The following PADI1 variants were observed in gnomAD, a reference collection of about 807,000 sequenced individuals.
PADI1 encodes the protein peptidyl arginine deiminase 1.
Under a neutral mutation model 74.8 loss-of-function variants are expected in PADI1, and 65 were observed. The observed-to-expected ratio is 0.87, with a 90% confidence interval of 0.71 to 1.07. The LOEUF is 1.07. PADI1 is among the 50% of genes least tolerant of loss of function. PADI1 has a pLI of 0.00. For missense variants in PADI1, 943 were observed against 854.0 expected (o/e 1.10, Z -1.30); for synonymous variants, 371 against 336.2 (o/e 1.10, Z -1.13).
intron 15 of PADI1, among the ~76,000 whole-genome samples, chr1:17,242,980 C>T (rs1203147268): frequency 6.6e-6 from 1 of 152,180 alleles, no homozygotes; most frequent in Non-Finnish European, 1.5e-5. Context: ...TCACGGGACC[C>T]TCCAGCTTTA....
chr1:17,222,413 T>C lies in PADI1; in HGVS notation c.216T>C (p.Thr72=). The C allele has an allele frequency of 1.2e-6, 2 of 1,614,070 alleles. No homozygotes were observed. The highest frequency in any genetic ancestry group is 1.7e-6 in the Non-Finnish European group (2 of 1,179,928). ...PIGKARWPLD[T]DADMVVSVGT... ...GCAAGGCCCGTTGGCCGCTAGACAC[T>C]GATGCAGACATGGTCGTATCTGTGG... Residue 72 remains threonine (T), a synonymous_variant, in exon 2 of 16, where the codon ACT becomes ACC. Transcript: ENST00000375471.
rs2072843600 is a variant in PADI1, at chr1:17,244,457, TCCCTGG to T, written c.*217_*222del. The T allele has an allele frequency of 1.5e-6, 1 of 656,288 alleles. No individual in the cohort carries two copies. The highest frequency in any genetic ancestry group is 2.8e-6 in the Non-Finnish European group (1 of 355,706). The allele number at this position is 656,288 out of a possible 1,614,324, so 40.7% of individuals were successfully genotyped here. A position where few individuals can be genotyped will look rare whatever the true frequency, so the allele number is the denominator to read the frequency against. ...ACCCGAGAAGAATGCACCTCATTCT[TCCCTGG>T]CCTCTTTCCCACCCACAGCCCCCAG... On this transcript the variant is annotated 3_prime_UTR_variant, in exon 16 of 16. Coordinates refer to ENST00000375471, the MANE Select transcript of PADI1 (RefSeq NM_013358.3).
chr1:17,232,188 C>T (rs2072507587), intron 10 of PADI1, among the ~76,000 whole-genome samples: 1 of 151,956 alleles, frequency 6.6e-6, no homozygotes, highest in Non-Finnish European at 1.5e-5. Context: ...CCTCGTGATC[C>T]ACCCACCTCG....
rs2072869637 is a variant in PADI1 at position 17,245,756 on chromosome 1, CAAG to C, written c.*1517_*1519del. 1 of 152,376 alleles carries C rather than the reference CAAG, an allele frequency of 6.6e-6. No individual in the cohort carries two copies. 9.4% of individuals were successfully genotyped at this position (152,376 alleles called of 1,614,324 possible). On this transcript the variant is annotated 3_prime_UTR_variant, in exon 16 of 16. Coordinates refer to ENST00000375471, the MANE Select transcript of PADI1 (RefSeq NM_013358.3). The surrounding 1 kb of genome is among the most constrained non-coding windows in gnomAD (Gnocchi z 4.1). ...GATCATACCCCAGCCTGCACTGAGT[CAAG>C]AAGGAGAAGGAGGCTCTGAAGGGGC... is the stretch of plus-strand genomic sequence containing the variant.
intron 11 of PADI1, among the ~76,000 whole-genome samples, chr1:17,233,339 C>T (rs1018813962): frequency 2.0e-5 from 3 of 152,200 alleles, no homozygotes; most frequent in Non-Finnish European, 4.4e-5. Flanking sequence ...GAGGAATAGA[C>T]TCATTGACTT....
Position 17,238,605 on chromosome 1 carries a change from C to A in PADI1, c.1459-11C>A. ...CTGTCCACTGAGCCATTCTCCCTCCCTCCGTGCCAGGGCTTCCGGCTGCTC... is the reference window on the plus strand; with the variant it reads ...CTGTCCACTGAGCCATTCTCCCTCCATCCGTGCCAGGGCTTCCGGCTGCTC... On this transcript the variant is annotated splice_polypyrimidine_tract_variant and intron_variant, in intron 12 of 15. Transcript: ENST00000375471. The A allele has an allele frequency of 1.4e-6, 2 of 1,463,038 alleles. No individual in the cohort carries two copies. Among genetic ancestry groups the A allele is most frequent in the African/African-American group, 1.4e-5 (1 of 69,644 alleles). The allele number at this position is 1,463,038 out of a possible 1,614,324, so 90.6% of individuals were successfully genotyped here.
At chr1:17,223,178 G>A (rs912738947) in intron 2 of PADI1, among the ~76,000 whole-genome samples, 2 of 152,144 alleles carry the variant, frequency 1.3e-5, no homozygotes, top group East Asian at 1.9e-4. Context: ...GGCTTGGCAC[G>A]GATTCTGGAC....
chr1:17,229,623 A>G (rs1022469375), intron 8 of PADI1, among the ~76,000 whole-genome samples: 7 of 152,218 alleles, frequency 4.6e-5, no homozygotes, highest in African/African-American at 1.7e-4. Context: ...AAGGCTGGGA[A>G]GGGTGTGGCC....
chr1:17,205,679 C>T lies in PADI1; in HGVS notation c.92+370C>T, dbSNP rs114323239. Among the ~76,000 whole-genome samples the T allele has an allele frequency of 4.9e-3, 753 of 152,210 alleles. 5 individuals are homozygous for T. The highest frequency in any genetic ancestry group is 0.017 in the African/African-American group (716 of 41,516). On this transcript the variant is annotated intron_variant, in intron 1 of 15. Transcript: ENST00000375471. ...AGATGGGGAAGAGAACTGGTTCCCA[C>T]CTCCCTCAATTTCTTGCCAAGCCCC... is the stretch of plus-strand genomic sequence containing the variant.
intron 10 of PADI1, 32 bp from the exon 11 acceptor site, chr1:17,232,787 T>C: frequency 6.3e-7 from 1 of 1,592,660 alleles, no homozygotes; most frequent in Non-Finnish European, 8.6e-7. Context: ...CCTCTCCTTC[T>C]TGGGGTGGGG....
chr1:17,232,848 G>T lies in PADI1; in HGVS notation c.1191G>T (p.Glu397Asp), dbSNP rs1448916171. 1.2e-6 allele frequency: 2 copies of T among 1,613,326 alleles called. No homozygotes were observed. Among genetic ancestry groups the T allele is most frequent in the Non-Finnish European group, 1.7e-6 (2 of 1,179,838 alleles). Residue 397 changes from glutamate to aspartate, a missense_variant, in exon 11 of 16, where the codon GAG (glutamate) becomes GAT (aspartate). Physicochemically the swap from Glu to Asp is conservative, Grantham distance 45. Transcript: ENST00000375471. ...LGPDFGYVTR[E>D]IPLPGPSSLD... Reference sequence around the variant, plus strand: ...CTGACTTTGGATATGTTACCCGGGAGATCCCGCTCCCTGGTCCCTCCAGCC... The same window carrying T: ...CTGACTTTGGATATGTTACCCGGGATATCCCGCTCCCTGGTCCCTCCAGCC...
In PADI1 at chr1:17,230,145, G is replaced by A; in HGVS notation, c.990G>A (p.Leu330=). 6.2e-7 allele frequency: 1 copy of A among 1,614,180 alleles called. No homozygotes were observed. The highest frequency in any genetic ancestry group is 8.5e-7 in the Non-Finnish European group (1 of 1,180,016). The part of the protein sequence containing the change: ...KFLEDMSYLT[L]KANCKLTICP... The stretch of plus-strand genomic sequence containing the variant: ...TGGAGGACATGTCTTATCTGACATT[G>A]AAAGCCAACTGCAAGCTGACCATCT... The change falls in exon 9 of 16, where the codon TTG becomes TTA. Residue 330 remains leucine (L), a synonymous_variant. Coordinates refer to ENST00000375471, the MANE Select transcript of PADI1 (RefSeq NM_013358.3).
At chr1:17,228,895 G>C in intron 7 of PADI1, 53 bp from the exon 8 acceptor site, 1 of 1,579,840 alleles carries the variant, frequency 6.3e-7, no homozygotes, top group South Asian at 1.1e-5. Flanking sequence ...GGGGGGGCTT[G>C]AGGCAGGCTA....
At position 17,223,660 on chromosome 1, in the gene PADI1, C is replaced by G; in HGVS notation, c.313C>G (p.Leu105Val). Reference sequence around the variant, plus strand: ...CTTTGGGGAGCAGGAAGACCAAGCTCTGGGCCGCAGCGTGCTTTACCTCAC... The same window carrying G: ...CTTTGGGGAGCAGGAAGACCAAGCTGTGGGCCGCAGCGTGCTTTACCTCAC... ...SYFGEQEDQA[L>V]GRSVLYLTGV... The change falls in exon 3 of 16, where the codon CTG becomes GTG. Residue 105 changes from leucine (L) to valine (V), a missense_variant. Physicochemically the swap from Leu to Val is conservative, Grantham distance 32 (BLOSUM62 1). Coordinates refer to ENST00000375471, the MANE Select transcript of PADI1 (RefSeq NM_013358.3). 1 of 1,614,160 alleles carries G rather than the reference C, an allele frequency of 6.2e-7. No homozygotes were observed. Among genetic ancestry groups the G allele is most frequent in the Middle Eastern group, 1.7e-4 (1 of 6,056 alleles).
chr1:17,228,576 GC>G, intron 6 of PADI1, 48 bp from the exon 7 acceptor site: 1 of 1,598,362 alleles, frequency 6.3e-7, no homozygotes, highest in East Asian at 2.2e-5. Flanking sequence ...TGGGCTTGCA[GC>G]CCCTCACCCC....
At chr1:17,236,135 C>A (rs1246593402) in intron 11 of PADI1, among the ~76,000 whole-genome samples, 1 of 152,186 alleles carries the variant, frequency 6.6e-6, no homozygotes, top group Non-Finnish European at 1.5e-5. Context: ...AGTGACCCTG[C>A]CTTGGTTTCT....
intron 1 of PADI1, among the ~76,000 whole-genome samples, chr1:17,215,322 C>T (rs182311275): frequency 2.6e-5 from 4 of 152,126 alleles, no homozygotes; most frequent in Non-Finnish European, 5.9e-5. Flanking sequence ...CTAGGCTGGG[C>T]TTGGAGGGTC....
intron 4 of PADI1, among the ~76,000 whole-genome samples, 161 bp from the exon 5 acceptor site, chr1:17,225,650 C>G (rs1318939834): frequency 2.6e-5 from 4 of 152,212 alleles, no homozygotes; most frequent in African/African-American, 9.6e-5. Flanking sequence ...AGAGCCTTAT[C>G]TGGAACTCCA....
Position 17,237,453 on chromosome 1 carries a change from C to A in PADI1, c.1453C>A (p.Gln485Lys). The A allele has an allele frequency of 6.2e-7, 1 of 1,609,452 alleles. No homozygotes were observed. Among genetic ancestry groups the A allele is most frequent in the Non-Finnish European group, 8.5e-7 (1 of 1,177,494 alleles). ...TCTGACCTTTGTGCCTACCTCTGAC[C>A]AAAAGGTGCGTCCCCTCCTTCCCTG... ...EFLTFVPTSD[Q>K]KGFRLLLASP... Residue 485 changes from glutamine to lysine, a missense_variant, in exon 12 of 16, where the codon CAA becomes AAA. Coordinates refer to ENST00000375471, the MANE Select transcript of PADI1 (RefSeq NM_013358.3).
Sources: gnomAD v4.1 joint callset for allele counts (sites outside exome capture counted in the v4.1 genomes callset) on GRCh38, gnomAD v4.1.1 for gene constraint, Gnocchi (gnomAD v3.1) non-coding constraint, MANE v1.5 for transcripts, NCBI Gene and HGNC (gene_info 2026-07-23, HGNC 2026-07-21) for gene names.